CAMTA2: variants seen among roughly 807,000 people sequenced by gnomAD.
CAMTA2 encodes calmodulin binding transcription activator 2, also known as calmodulin-binding transcription activator 2.
CAMTA2 carries 56 observed loss-of-function variants against 135.7 expected under a neutral mutation model. That is an observed-to-expected ratio of 0.41 (90% CI 0.33 to 0.52). The LOEUF (loss-of-function observed/expected upper bound fraction) is 0.52, where lower values mean the gene tolerates loss of function less well. Ranked by LOEUF, CAMTA2 falls within the 20% of genes least tolerant of loss-of-function variation. The probability of loss-of-function intolerance (pLI) is 0.16; values close to 1 mark genes in which losing one functional copy is unlikely to be tolerated. For missense variants in CAMTA2, 1,358 were observed against 1,553.4 expected (o/e 0.87, Z 2.11); for synonymous variants, 591 against 604.6 (o/e 0.98, Z 0.33).
chr17:4,975,074 C>T (rs1972533036), intron 11 of CAMTA2, among the ~76,000 whole-genome samples: 1 of 152,170 alleles, frequency 6.6e-6, no homozygotes, highest in South Asian at 2.1e-4. Flanking sequence ...TTCTCCTCCT[C>T]CTCCTCCCCG....
chr17:4,971,382 CT>C (rs747094579), intron 16 of CAMTA2, among the ~76,000 whole-genome samples: 1 of 152,216 alleles, frequency 6.6e-6, no homozygotes, highest in Non-Finnish European at 1.5e-5. Flanking sequence ...GACAGGGTCT[CT>C]TGTCCAGGCT....
intron 16 of CAMTA2, among the ~76,000 whole-genome samples, chr17:4,971,070 C>T (rs1899583530): frequency 6.6e-6 from 1 of 152,226 alleles, no homozygotes; most frequent in South Asian, 2.1e-4. Context: ...AAGTGCCACC[C>T]ACTTACTCCA....
chr17:4,977,085 T>C lies in CAMTA2; in HGVS notation c.1873A>G (p.Thr625Ala). ...TCCAGTGACAGCCAGTCAAGTTGAG[T>C]ACTAGGCAGAGACAGGAATCGGCGG... ...RARRFLSLPS[T>A]QLDWLSLDDN... Residue 625 changes from threonine (T) to alanine (A), a missense_variant, in exon 11 of 23, where the codon ACT (threonine) becomes GCT (alanine). This residue lies in a region of CAMTA2 where 1,077 missense variants were observed against 1,127.5 expected (regional missense o/e 0.96). Coordinates refer to ENST00000348066, the MANE Select transcript of CAMTA2 (RefSeq NM_015099.4). 4 of 1,613,832 alleles carry C rather than the reference T, an allele frequency of 2.5e-6. No homozygotes were observed. Among genetic ancestry groups the C allele is most frequent in the Non-Finnish European group, 3.4e-6 (4 of 1,179,962 alleles).
chr17:4,972,415 A>T lies in CAMTA2; in HGVS notation c.2625T>A (p.Thr875=). 1 of 1,614,056 alleles carries T rather than the reference A, an allele frequency of 6.2e-7. No homozygotes were observed. The highest frequency in any genetic ancestry group is 1.1e-5 in the South Asian group (1 of 91,076). ...GCTGGCCTGGGGCCATGTCCTCCAT[A>T]GTCATCTCAGAGGCTGGCAGAGGTG... The part of the protein sequence containing the change: ...PPAPLPASEM[T]MEDMAPGQLS... The change falls in exon 16 of 23, where the codon ACT becomes ACA. Residue 875 remains threonine (T), a synonymous_variant. Coordinates refer to ENST00000348066, the MANE Select transcript of CAMTA2 (RefSeq NM_015099.4).
intron 17 of CAMTA2, 33 bp from the exon 18 acceptor site, chr17:4,970,118 G>T: frequency 6.2e-7 from 1 of 1,601,480 alleles, no homozygotes; most frequent in Non-Finnish European, 8.5e-7. Flanking sequence ...GTGTCATGAA[G>T]CATCTGAAGT....
chr17:4,973,128 C>G (rs756346904), intron 14 of CAMTA2, 47 bp downstream of exon 14: 16 of 1,540,498 alleles, frequency 1.0e-5, no homozygotes, highest in African/African-American at 1.7e-5. Flanking sequence ...AAGGGCTGTT[C>G]CCATTGCTCC....
intron 15 of CAMTA2, 116 bp from the exon 16 acceptor site, chr17:4,972,652 C>T (rs1972368029): frequency 1.4e-6 from 2 of 1,418,952 alleles, no homozygotes; most frequent in East Asian, 2.3e-5. Context: ...CTGTTATCTC[C>T]CATCCCTGCC....
At chr17:4,978,715 T>C in intron 9 of CAMTA2, 85 bp from the exon 10 acceptor site, 1 of 1,480,560 alleles carries the variant, frequency 6.8e-7, no homozygotes, top group Non-Finnish European at 9.2e-7. Context: ...TTACAGGGTA[T>C]CTACTATATG....
intron 5 of CAMTA2, among the ~76,000 whole-genome samples, chr17:4,982,521 A>G (rs543236460): frequency 1.3e-5 from 2 of 152,362 alleles, no homozygotes; most frequent in Non-Finnish European, 2.9e-5. Context: ...GGGCCTGGGC[A>G]TCAGTGTTCT....
chr17:4,982,192 G>A, intron 5 of CAMTA2, 32 bp from the exon 6 acceptor site: 2 of 542,204 alleles, frequency 3.7e-6, no homozygotes, highest in South Asian at 1.4e-5. Flanking sequence ...TGGGGGGAGG[G>A]CTAGTCTGCT....
At chr17:4,985,057 A>T (rs1973183043) in intron 3 of CAMTA2, among the ~76,000 whole-genome samples, 1 of 149,028 alleles carries the variant, frequency 6.7e-6, no homozygotes, top group Non-Finnish European at 1.5e-5. Flanking sequence ...GTGGAGGCAC[A>T]TGCCTGTAAT....
chr17:4,969,921 G>A lies in CAMTA2; in HGVS notation c.3170C>T (p.Thr1057Met), dbSNP rs557325117. ...ELYEAARVIQTAFRKYKGRRL... is the reference protein window; with the variant it reads ...ELYEAARVIQMAFRKYKGRRL... ...CCTGACCTTGTACTTTCGGAAGGCCGTCTGGATGACTCGGGCAGCCTCATA... is the reference window on the plus strand; with the variant it reads ...CCTGACCTTGTACTTTCGGAAGGCCATCTGGATGACTCGGGCAGCCTCATA... The change falls in exon 18 of 23, where the codon ACG becomes ATG. Residue 1057 changes from threonine to methionine, a missense_variant. By Grantham distance (81) the Thr-to-Met change is moderately conservative. Around this residue, in one of 4 missense-constraint regions of CAMTA2, gnomAD observed 167 missense variants for 207.0 expected, o/e 0.81. Coordinates refer to ENST00000348066, the MANE Select transcript of CAMTA2 (RefSeq NM_015099.4). The surrounding 1 kb of genome is among the most constrained non-coding windows in gnomAD (Gnocchi z 5.6). The A allele has an allele frequency of 2.0e-4, 318 of 1,614,142 alleles. 5 individuals are homozygous for A. In the South Asian group the frequency reaches 3.2e-3, roughly 16 times the overall value.
At chr17:4,971,201 G>A (rs1972263920) in intron 16 of CAMTA2, among the ~76,000 whole-genome samples, 1 of 152,142 alleles carries the variant, frequency 6.6e-6, no homozygotes, top group South Asian at 2.1e-4. Context: ...CCTCCTTCCT[G>A]CATCAGATCA....
chr17:4,979,504 G>A, intron 9 of CAMTA2, 180 bp downstream of exon 9: 1 of 368,308 alleles, frequency 2.7e-6, no homozygotes, highest in South Asian at 4.2e-5. Flanking sequence ...GAGCGAAACT[G>A]TCTCAAAAAA....
At chr17:4,987,175 G>A in intron 1 of CAMTA2, 1 of 1,347,180 alleles carries the variant, frequency 7.4e-7, no homozygotes. Flanking sequence ...AGGGTGCGGA[G>A]CGGGAGCGGG....
intron 1 of CAMTA2, chr17:4,987,257 G>A: frequency 7.4e-7 from 1 of 1,343,376 alleles, no homozygotes; most frequent in Non-Finnish European, 9.5e-7. Flanking sequence ...CGGAGTGGTG[G>A]TCCCAGGAGA....
chr17:4,981,546 C>T (rs1197998421), intron 7 of CAMTA2, 132 bp downstream of exon 7: 13 of 1,288,086 alleles, frequency 1.0e-5, no homozygotes, highest in African/African-American at 1.5e-5. Context: ...GAGAACACAC[C>T]GGGAATCCTA....
chr17:4,987,451 G>C, intron 1 of CAMTA2, 142 bp downstream of exon 1: 1 of 1,384,572 alleles, frequency 7.2e-7, no homozygotes, highest in Non-Finnish European at 9.3e-7. Context: ...CCTGGCGCGG[G>C]GGAGGAGGAC....
intron 11 of CAMTA2, among the ~76,000 whole-genome samples, chr17:4,976,561 C>T (rs926123121): frequency 1.3e-5 from 2 of 151,990 alleles, no homozygotes; most frequent in Non-Finnish European, 2.9e-5. Context: ...ATTAGCCAGG[C>T]TTGGTGGCAG....
Sources: allele counts gnomAD v4.1 joint callset (sites outside exome capture counted in the v4.1 genomes callset), GRCh38; gene constraint gnomAD v4.1.1; regional missense constraint gnomAD v4.1.1; non-coding constraint Gnocchi (gnomAD v3.1); transcripts MANE v1.5; gene names NCBI Gene and HGNC (gene_info 2026-07-23, HGNC 2026-07-21).